The following ZNF25 variants were observed in gnomAD, a reference collection of about 807,000 sequenced individuals.
ZNF25 encodes the protein zinc finger protein 25, also known as zinc finger protein 25 (KOX 19).
Under a neutral mutation model 30.9 loss-of-function variants are expected in ZNF25, and 21 were observed. The ratio of observed to expected loss-of-function variants is 0.68; its 90% CI spans 0.48 to 0.98. The LOEUF is 0.98. ZNF25 is among the 50% of genes least tolerant of loss of function. The probability of loss-of-function intolerance (pLI) is 0.00; values close to 1 mark genes in which losing one functional copy is unlikely to be tolerated. For synonymous variants in ZNF25, 169 were observed against 181.3 expected, an observed-to-expected ratio of 0.93 and a Z score of 0.55; for missense variants, 501 against 529.9, an observed-to-expected ratio of 0.95 and a Z score of 0.54.
chr10:37,955,424 G>A (rs986490719), intron 4 of ZNF25, among the ~76,000 whole-genome samples: 1 of 152,152 alleles, frequency 6.6e-6, no homozygotes, highest in African/African-American at 2.4e-5. Flanking sequence ...CACAACTACT[G>A]TGGGAATTTA....
At chr10:37,956,198 C>T (rs548298823) in intron 4 of ZNF25, among the ~76,000 whole-genome samples, 6 of 152,212 alleles carry the variant, frequency 3.9e-5, no homozygotes, top group Admixed American at 3.3e-4. Context: ...CACTGTATAG[C>T]AGGAAGTAGC....
chr10:37,950,768 C>G lies in ZNF25; in HGVS notation c.*1359G>C, dbSNP rs906479809. ...AGGCACAGAGATATTAAGTAGCATG[C>G]CCCATGCTGGAATCGGGGCCCAGGC... On this transcript the variant is annotated 3_prime_UTR_variant, in exon 6 of 6. Coordinates refer to ENST00000302609, the MANE Select transcript of ZNF25 (RefSeq NM_145011.4). 5 of 152,060 alleles carry G rather than the reference C, an allele frequency of 3.3e-5. No homozygotes were observed. The South Asian group carries it at 1.0e-3, about 32-fold the overall frequency. The allele number at this position is 152,060 out of a possible 1,614,324, so 9.4% of individuals were successfully genotyped here.
intron 2 of ZNF25, among the ~76,000 whole-genome samples, chr10:37,968,561 G>A (rs2063316185): frequency 6.6e-6 from 1 of 151,836 alleles, no homozygotes; most frequent in South Asian, 2.1e-4. Context: ...TCACCATGTT[G>A]ACCAGGCTGG....
chr10:37,971,788 C>T lies in ZNF25; in HGVS notation c.-66G>A. The T allele has an allele frequency of 1.2e-6, 2 of 1,610,870 alleles. No individual in the cohort carries two copies. The highest frequency in any genetic ancestry group is 3.3e-5 in the Admixed American group (2 of 59,970). On this transcript the variant is annotated 5_prime_UTR_variant, in exon 2 of 6. Transcript: ENST00000302609. ...GAGCAGAAATCATAAGGGACCTTAGCTGGCAGCCCCAGGAATCACCTGTGA... is the reference window on the plus strand; with the variant it reads ...GAGCAGAAATCATAAGGGACCTTAGTTGGCAGCCCCAGGAATCACCTGTGA...
rs202146529 is a variant in ZNF25 at position 37,974,542 on chromosome 10, A to C, written c.-86+1964T>G. On this transcript the variant is annotated intron_variant, in intron 1 of 5. Coordinates refer to ENST00000302609, the MANE Select transcript of ZNF25 (RefSeq NM_145011.4). ...CTTCAACATCATTAATCATCAGACA[A>C]ATGCAAATCAAAACCATAATGGGAT... 4.6e-5 allele frequency among the ~76,000 whole-genome samples: 7 copies of C among 152,332 alleles called. No homozygotes were observed. The East Asian group carries it at 7.7e-4, about 17-fold the overall frequency.
At chr10:37,961,098 G>A (rs987641675) in intron 2 of ZNF25, among the ~76,000 whole-genome samples, 2 of 152,108 alleles carry the variant, frequency 1.3e-5, no homozygotes, top group African/African-American at 4.8e-5. Flanking sequence ...AGAGCATCCA[G>A]TATAAACCAA....
rs144483227 is a variant in ZNF25, at chr10:37,966,006, A to G, written c.15+5702T>C. 2.2e-4 allele frequency among the ~76,000 whole-genome samples: 33 copies of G among 152,338 alleles called. No homozygotes were observed. The East Asian group carries it at 6.2e-3, about 28-fold the overall frequency. ...AATTGTAATACTAAGAGTAACCACTAAAAACACCTTAAAACACTCACAAAA... is the reference window on the plus strand; with the variant it reads ...AATTGTAATACTAAGAGTAACCACTGAAAACACCTTAAAACACTCACAAAA... On this transcript the variant is annotated intron_variant, in intron 2 of 5. Transcript: ENST00000302609.
At chr10:37,964,346 C>T (rs1044935728) in intron 2 of ZNF25, among the ~76,000 whole-genome samples, 2 of 152,108 alleles carry the variant, frequency 1.3e-5, no homozygotes, top group Non-Finnish European at 2.9e-5. Context: ...TTGGAGGGCT[C>T]AGAAGAAGAC....
At chr10:37,974,146 A>G (rs1228104561) in intron 1 of ZNF25, among the ~76,000 whole-genome samples, 3 of 152,358 alleles carry the variant, frequency 2.0e-5, no homozygotes, top group Non-Finnish European at 2.9e-5. Flanking sequence ...TTAAAGAGTT[A>G]AATGTATGAC....
chr10:37,959,111 T>C (rs767717187), intron 2 of ZNF25, among the ~76,000 whole-genome samples: 1 of 152,220 alleles, frequency 6.6e-6, no homozygotes, highest in Admixed American at 6.5e-5. Flanking sequence ...CAAATAGATA[T>C]TCTGTCATTT....
rs2062162311 is a variant in ZNF25 at position 37,951,949 on chromosome 10, A to T, written c.*178T>A. The T allele has an allele frequency of 6.0e-6, 3 of 501,518 alleles. No homozygotes were observed. The highest frequency in any genetic ancestry group is 5.9e-5 in the African/African-American group (3 of 50,482). 31.1% of individuals were successfully genotyped at this position (501,518 alleles called of 1,614,324 possible). A position where few individuals can be genotyped will look rare whatever the true frequency, so the allele number is the denominator to read the frequency against. On this transcript the variant is annotated 3_prime_UTR_variant, in exon 6 of 6. Coordinates refer to ENST00000302609, the MANE Select transcript of ZNF25 (RefSeq NM_145011.4). Reference sequence around the variant, plus strand: ...ATTTAGAAAAGCCTAAAATATGATAAAATTTTCTCCCAAATAAATGTACAG... The same window carrying T: ...ATTTAGAAAAGCCTAAAATATGATATAATTTTCTCCCAAATAAATGTACAG...
chr10:37,954,935 C>T (rs1184143606), intron 4 of ZNF25, among the ~76,000 whole-genome samples: 1 of 152,076 alleles, frequency 6.6e-6, no homozygotes, highest in Non-Finnish European at 1.5e-5. Context: ...GGGTGGATCA[C>T]CTGAGGTCAG....
rs750151956 is a variant in ZNF25, at chr10:37,953,121, A to G, written c.377T>C (p.Phe126Ser). 1 of 1,613,042 alleles carries G rather than the reference A, an allele frequency of 6.2e-7. No homozygotes were observed. The highest frequency in any genetic ancestry group is 1.1e-5 in the South Asian group (1 of 90,886). Residue 126 changes from phenylalanine (F) to serine (S), a missense_variant, in exon 6 of 6, where the codon TTC (phenylalanine) becomes TCC (serine). Physicochemically the swap from Phe to Ser is radical, Grantham distance 155. Transcript: ENST00000302609. The stretch of plus-strand genomic sequence containing the variant: ...TATGAGGGCAGACTTCTGGCAGAAG[A>G]ACTTCCCACATTCCTTACATTCACA... ...KACECKECGKFFCQKSALIVH... is the reference protein window; with the variant it reads ...KACECKECGKSFCQKSALIVH...
chr10:37,958,995 G>A (rs768563719), intron 2 of ZNF25, among the ~76,000 whole-genome samples: 1 of 152,214 alleles, frequency 6.6e-6, no homozygotes, highest in Non-Finnish European at 1.5e-5. Context: ...GTTGCAGTAA[G>A]CCAAGATCGT....
At position 37,952,147 on chromosome 10, in the gene ZNF25, T is replaced by C. The variant is rs767211493; in HGVS notation, c.1351A>G (p.Lys451Glu). The C allele has an allele frequency of 1.3e-6, 2 of 1,573,042 alleles. No individual in the cohort carries two copies. Among genetic ancestry groups the C allele is most frequent in the Admixed American group, 1.9e-5 (1 of 51,672 alleles). Residue 451 changes from lysine to glutamate, a missense_variant, in exon 6 of 6, where the codon AAG (lysine) becomes GAG (glutamate). Coordinates refer to ENST00000302609, the MANE Select transcript of ZNF25 (RefSeq NM_145011.4). ...LTAHQKTHTK[K>E]RNAEK ...TCATCTTACTTCTCAGCATTCCTCTTCTTTGTGTGTGTCTTCTGATGTGCA... is the reference window on the plus strand; with the variant it reads ...TCATCTTACTTCTCAGCATTCCTCTCCTTTGTGTGTGTCTTCTGATGTGCA...
chr10:37,959,614 T>C (rs2062733162), intron 2 of ZNF25, among the ~76,000 whole-genome samples: 2 of 152,122 alleles, frequency 1.3e-5, no homozygotes, highest in Non-Finnish European at 2.9e-5. Context: ...CATTTTTTTT[T>C]TCTTTTTTCT....
chr10:37,963,918 T>C (rs2063035129), intron 2 of ZNF25, among the ~76,000 whole-genome samples: 1 of 152,134 alleles, frequency 6.6e-6, no homozygotes, highest in Non-Finnish European at 1.5e-5. Context: ...GAGGTTGCCG[T>C]GAGCCAAGAT....
At chr10:37,957,293 T>A (rs927614850) in intron 3 of ZNF25, 127 bp downstream of exon 3, 1 of 1,368,476 alleles carries the variant, frequency 7.3e-7, no homozygotes, top group Admixed American at 2.2e-5. Context: ...AAAATGGATT[T>A]ATTAACTTCG....
intron 3 of ZNF25, 97 bp downstream of exon 3, chr10:37,957,323 T>C: frequency 1.4e-6 from 2 of 1,452,126 alleles, no homozygotes; most frequent in Non-Finnish European, 9.3e-7. Flanking sequence ...TCATAGATAA[T>C]GTCAATCATT....
Sources: gnomAD v4.1 joint callset for allele counts (sites outside exome capture counted in the v4.1 genomes callset) on GRCh38, gnomAD v4.1.1 for gene constraint, MANE v1.5 for transcripts, NCBI Gene and HGNC (gene_info 2026-07-23, HGNC 2026-07-21) for gene names.